Variants in TMEM116 observed in about 807,000 individuals in gnomAD.
TMEM116 encodes the protein transmembrane protein 116.
In TMEM116, 38 loss-of-function variants were observed where a neutral mutation model predicts 44.3. The observed-to-expected ratio is 0.86, with a 90% CI of 0.66 to 1.12. The LOEUF (loss-of-function observed/expected upper bound fraction) is 1.12. Among genes scored for constraint, TMEM116 ranks in the 50% most tolerant of loss-of-function variants. The pLI is 0.00. For missense variants in TMEM116, 354 were observed against 401.7 expected (o/e 0.88, Z 1.01); for synonymous variants, 132 against 144.8 (o/e 0.91, Z 0.64).
At chr12:111,977,658 T>C (rs2075742149) in intron 4 of TMEM116, among the ~76,000 whole-genome samples, 1 of 152,022 alleles carries the variant, frequency 6.6e-6, no homozygotes, top group Non-Finnish European at 1.5e-5. Context: ...TCAAATAAAA[T>C]ATTTCATTTT....
At chr12:111,974,519 G>A (rs868064553) in intron 4 of TMEM116, among the ~76,000 whole-genome samples, 2 of 151,994 alleles carry the variant, frequency 1.3e-5, no homozygotes, top group Admixed American at 6.6e-5. Context: ...TTAGCTGGGC[G>A]TGGTGGTGCA....
At chr12:111,947,666 G>GT (rs2073393195) in intron 4 of TMEM116, among the ~76,000 whole-genome samples, 1 of 152,042 alleles carries the variant, frequency 6.6e-6, no homozygotes, top group South Asian at 2.1e-4. Context: ...TTATTCAAAG[G>GT]TTGTGTCATC....
At chr12:111,999,611 A>C (rs113944240) in intron 3 of TMEM116, among the ~76,000 whole-genome samples, 1 of 151,780 alleles carries the variant, frequency 6.6e-6, no homozygotes, top group East Asian at 1.9e-4. Flanking sequence ...AAAAAAAATA[A>C]AATAAATTAT....
intron 1 of TMEM116, among the ~76,000 whole-genome samples, chr12:112,009,427 C>T (rs1327995007): frequency 6.6e-6 from 1 of 150,826 alleles, no homozygotes; most frequent in Non-Finnish European, 1.5e-5. Flanking sequence ...AACCATATGT[C>T]AAGGATCTTA....
intron 4 of TMEM116, among the ~76,000 whole-genome samples, chr12:111,984,263 G>T (rs2076099687): frequency 6.6e-6 from 1 of 152,134 alleles, no homozygotes; most frequent in African/African-American, 2.4e-5. Context: ...TCTGTCATTT[G>T]CAACAACATA....
intron 3 of TMEM116, among the ~76,000 whole-genome samples, chr12:111,997,439 T>G (rs2076986153): frequency 6.6e-6 from 1 of 152,066 alleles, no homozygotes; most frequent in South Asian, 2.1e-4. Context: ...CGTGCACCTG[T>G]AGTCCCAGCT....
intron 10 of TMEM116, 72 bp from the exon 11 acceptor site, chr12:111,931,899 C>T (rs963644773): frequency 1.1e-5 from 11 of 1,017,698 alleles, no homozygotes; most frequent in Middle Eastern, 6.5e-4. Context: ...TTCTCACTCC[C>T]CTTATTCATA....
At chr12:112,009,244 A>C (rs532524927) in intron 1 of TMEM116, among the ~76,000 whole-genome samples, 1 of 152,306 alleles carries the variant, frequency 6.6e-6, no homozygotes, top group East Asian at 1.9e-4. Flanking sequence ...TACTCTAAAT[A>C]AATCCACCAC....
At chr12:111,947,106 T>C (rs1266224489) in intron 4 of TMEM116, among the ~76,000 whole-genome samples, 3 of 152,126 alleles carry the variant, frequency 2.0e-5, no homozygotes, top group Non-Finnish European at 2.9e-5. Flanking sequence ...TATTGTTATA[T>C]TGGGTTTTTA....
intron 4 of TMEM116, among the ~76,000 whole-genome samples, chr12:111,983,305 G>C (rs374857244): frequency 1.3e-5 from 2 of 151,660 alleles, no homozygotes; most frequent in South Asian, 4.2e-4. Context: ...GCATGGTGGC[G>C]TATGCCTGTA....
At chr12:112,000,692 C>T (rs2136693796) in intron 3 of TMEM116, 11 of 516,518 alleles carry the variant, frequency 2.1e-5, no homozygotes, top group South Asian at 1.6e-4. Context: ...TAAATAATAA[C>T]TTCTGCTAGC....
intron 1 of TMEM116, chr12:112,012,665 GCA>G (rs2077899956): frequency 6.6e-6 from 1 of 152,632 alleles, no homozygotes; most frequent in Non-Finnish European, 1.5e-5. Flanking sequence ...CGTGCCTTCA[GCA>G]CACAACGGTC....
At chr12:111,993,465 G>T in intron 3 of TMEM116, 1 of 557,994 alleles carries the variant, frequency 1.8e-6, no homozygotes, top group Non-Finnish European at 3.6e-6. Context: ...TATCTCTGGT[G>T]CACATCACTG....
chr12:111,979,932 T>C (rs2075855689), intron 4 of TMEM116, among the ~76,000 whole-genome samples: 1 of 152,042 alleles, frequency 6.6e-6, no homozygotes, highest in Non-Finnish European at 1.5e-5. Flanking sequence ...TGAAACCAAG[T>C]GCTGTTGAGG....
rs917839133 is a variant in TMEM116 at position 111,945,343 on chromosome 12, C to CAA, written c.211-1976_211-1975dup. On this transcript the variant is annotated intron_variant, in intron 4 of 10. Transcript: ENST00000552374. ...TGGGCAACAGAGCTAGACTCCATCT[C>CAA]AAAAAAAAAAAAAAAAAAAAAAAAA... Among the ~76,000 whole-genome samples, 52 of 33,776 alleles carry CAA rather than the reference C, an allele frequency of 1.5e-3. 1 individual carries two copies. Among genetic ancestry groups the CAA allele is most frequent in the Non-Finnish European group, 2.7e-3 (35 of 12,914 alleles). The allele number at this position is 33,776 out of a possible 152,430, so 22.2% of individuals were successfully genotyped here.
chr12:111,985,412 T>C (rs1384325255), intron 4 of TMEM116, among the ~76,000 whole-genome samples: 1 of 151,764 alleles, frequency 6.6e-6, no homozygotes, highest in Non-Finnish European at 1.5e-5. Context: ...AAAAAAGAAA[T>C]TATGAAAATA....
intron 7 of TMEM116, among the ~76,000 whole-genome samples, 157 bp from the exon 8 acceptor site, chr12:111,936,987 T>C (rs1021568355): frequency 3.9e-5 from 6 of 152,258 alleles, no homozygotes; most frequent in Non-Finnish European, 8.8e-5. Flanking sequence ...TGTAGTCATT[T>C]TGTGTTACAC....
intron 4 of TMEM116, among the ~76,000 whole-genome samples, chr12:111,986,217 G>C (rs377563084): frequency 5.3e-5 from 8 of 152,126 alleles, no homozygotes; most frequent in African/African-American, 1.4e-4. Context: ...AAATTAGCCA[G>C]CTGTGGTGAT....
At chr12:111,990,073 G>A (rs1431325184) in intron 4 of TMEM116, among the ~76,000 whole-genome samples, 1 of 152,044 alleles carries the variant, frequency 6.6e-6, no homozygotes, top group African/African-American at 2.4e-5. Flanking sequence ...GGTTAACATG[G>A]TGAAACCCCG....
Sources: gnomAD v4.1 joint callset for allele counts (sites outside exome capture counted in the v4.1 genomes callset) on GRCh38, gnomAD v4.1.1 for gene constraint, MANE v1.5 for transcripts, NCBI Gene and HGNC (gene_info 2026-07-23, HGNC 2026-07-21) for gene names.